Variants in RBFOX1 observed in about 807,000 individuals in gnomAD.
The protein encoded by RBFOX1 is RNA binding fox-1 homolog 1.
A neutral mutation model predicts 57.7 loss-of-function variants in RBFOX1; 8 were observed. That is an observed-to-expected ratio of 0.14 (90% CI 0.08 to 0.25). The LOEUF is 0.25. Ranked by LOEUF, RBFOX1 falls within the 10% of genes least tolerant of loss-of-function variation. RBFOX1 has a pLI of 1.00. For missense variants in RBFOX1, 611 were observed against 548.5 expected, an observed-to-expected ratio of 1.11 and a Z score of -1.14; for synonymous variants, 326 against 222.4, an observed-to-expected ratio of 1.47 and a Z score of -4.15.
chr16:6,977,212 A>G (rs535621929), intron 3 of RBFOX1, among the ~76,000 whole-genome samples: 1 of 118,754 alleles, frequency 8.4e-6, no homozygotes, highest in Non-Finnish European at 1.7e-5. Context: ...TTTATCATAT[A>G]TATTATCATA....
At chr16:6,368,797 T>C (rs1283505625) in intron 2 of RBFOX1, among the ~76,000 whole-genome samples, 1 of 152,186 alleles carries the variant, frequency 6.6e-6, no homozygotes, top group Non-Finnish European at 1.5e-5. Flanking sequence ...TGTTTCAATG[T>C]TGGTAGTAAC....
At chr16:6,932,663 A>C (rs1362945673) in intron 3 of RBFOX1, among the ~76,000 whole-genome samples, 4 of 152,170 alleles carry the variant, frequency 2.6e-5, no homozygotes, top group Non-Finnish European at 1.5e-5. Flanking sequence ...GAGTTGCACC[A>C]GATTCTGAAG....
intron 4 of RBFOX1, among the ~76,000 whole-genome samples, chr16:5,971,226 C>T (rs1195025604): frequency 6.6e-6 from 1 of 152,216 alleles, no homozygotes; most frequent in East Asian, 1.9e-4. Flanking sequence ...ATTTATATCA[C>T]AGTGGTGAGG....
chr16:7,692,810 G>C (rs1347984337), intron 14 of RBFOX1, among the ~76,000 whole-genome samples: 1 of 152,060 alleles, frequency 6.6e-6, no homozygotes, highest in Non-Finnish European at 1.5e-5. Context: ...TATGTAGCAA[G>C]CTGGGTTTGA....
At chr16:7,146,069 C>A (rs546303768) in intron 4 of RBFOX1, among the ~76,000 whole-genome samples, 1 of 152,296 alleles carries the variant, frequency 6.6e-6, no homozygotes, top group African/African-American at 2.4e-5. Context: ...TTTGACTGTT[C>A]CAAATGGGGG....
chr16:5,647,899 A>C (rs1370784216), intron 3 of RBFOX1, among the ~76,000 whole-genome samples: 1 of 151,966 alleles, frequency 6.6e-6, no homozygotes, highest in Non-Finnish European at 1.5e-5. Flanking sequence ...TCATTCTGTC[A>C]CTCAGCCTGA....
At chr16:7,260,920 G>A (rs1000662563) in intron 4 of RBFOX1, among the ~76,000 whole-genome samples, 2 of 152,168 alleles carry the variant, frequency 1.3e-5, no homozygotes, top group Admixed American at 1.3e-4. Flanking sequence ...CATCATTACG[G>A]TGAATGCTAG....
At chr16:6,754,447 C>T (rs2075454567) in intron 3 of RBFOX1, among the ~76,000 whole-genome samples, 1 of 152,178 alleles carries the variant, frequency 6.6e-6, no homozygotes, top group South Asian at 2.1e-4. Flanking sequence ...GTGAATGAAG[C>T]TCTTTCCTTT....
chr16:6,606,808 C>T (rs555880975), intron 2 of RBFOX1, among the ~76,000 whole-genome samples: 1 of 152,280 alleles, frequency 6.6e-6, no homozygotes. Context: ...AATAGTGCTG[C>T]AGTGAACATA....
Position 5,346,960 on chromosome 16 carries a change from C to G in RBFOX1, c.219+106855C>G, listed in dbSNP as rs375623459. On this transcript the variant is annotated intron_variant, in intron 1 of 2. Transcript: ENST00000585867. Reference sequence around the variant, plus strand: ...GTGCCCTGTAATTGTTCACTGATATCTGGCTTTTGCATTGGTCGCTCTGTC... The same window carrying G: ...GTGCCCTGTAATTGTTCACTGATATGTGGCTTTTGCATTGGTCGCTCTGTC... Among the ~76,000 whole-genome samples the G allele has an allele frequency of 7.2e-5, 11 of 152,246 alleles. No homozygotes were observed. In the East Asian group the frequency reaches 1.7e-3, roughly 24 times the overall value.
chr16:7,194,708 G>T (rs1301475572), intron 4 of RBFOX1, among the ~76,000 whole-genome samples: 1 of 152,016 alleles, frequency 6.6e-6, no homozygotes, highest in Admixed American at 6.6e-5. Context: ...TGGGTGGATT[G>T]CCTGAGCCCT....
At chr16:7,116,526 C>G (rs189151739) in intron 4 of RBFOX1, among the ~76,000 whole-genome samples, 16 of 152,284 alleles carry the variant, frequency 1.1e-4, no homozygotes, top group Admixed American at 1.0e-3. Flanking sequence ...CTGGATTTGT[C>G]TCTGCTCCAG....
chr16:5,813,008 C>CTTTTT (rs565304481), intron 3 of RBFOX1, among the ~76,000 whole-genome samples: 1 of 135,942 alleles, frequency 7.4e-6, no homozygotes, highest in East Asian at 2.1e-4. Context: ...CCTTTAACCA[C>CTTTTT]TTTTTTTTTT....
At chr16:7,209,061 G>A (rs375884794) in intron 4 of RBFOX1, among the ~76,000 whole-genome samples, 7 of 151,876 alleles carry the variant, frequency 4.6e-5, no homozygotes, top group Admixed American at 2.0e-4. Context: ...TTGGGAGGCC[G>A]AGGTGGTCAG....
intron 3 of RBFOX1, among the ~76,000 whole-genome samples, chr16:5,698,938 G>A (rs2050934003): frequency 6.7e-6 from 1 of 148,808 alleles, no homozygotes; most frequent in South Asian, 2.1e-4. Flanking sequence ...ATCCATCTGT[G>A]TAGCTTGGTT....
At chr16:6,681,265 C>T (rs2058610148) in intron 3 of RBFOX1, among the ~76,000 whole-genome samples, 1 of 152,120 alleles carries the variant, frequency 6.6e-6, no homozygotes. Flanking sequence ...TTGCAGTGAG[C>T]CAGGATCACA....
At position 7,166,972 on chromosome 16, in the gene RBFOX1, C is replaced by CTT. The variant is rs537293692; in HGVS notation, c.27+114908_27+114909dup. Among the ~76,000 whole-genome samples, 300 of 49,092 alleles carry CTT rather than the reference C, an allele frequency of 6.1e-3. 32 individuals carry two copies. Among genetic ancestry groups the CTT allele is most frequent in the Non-Finnish European group, 8.5e-3 (252 of 29,594 alleles). The allele number at this position is 49,092 out of a possible 152,430, so 32.2% of individuals were successfully genotyped here. A position where few individuals can be genotyped will look rare whatever the true frequency, so the allele number is the denominator to read the frequency against. On this transcript the variant is annotated intron_variant, in intron 4 of 15. Transcript: ENST00000550418. ...AGCCCCAGATTGCTGCATTGGTGTT[C>CTT]TTTTTTTTTTTTTTTTTTTTTTTTT...
At chr16:6,739,568 A>T (rs1012570837) in intron 3 of RBFOX1, among the ~76,000 whole-genome samples, 3 of 150,226 alleles carry the variant, frequency 2.0e-5, no homozygotes, top group African/African-American at 4.9e-5. Flanking sequence ...CCAATTCTTC[A>T]AAATATCTTC....
chr16:7,132,866 A>C (rs938082674), intron 4 of RBFOX1, among the ~76,000 whole-genome samples: 1 of 152,228 alleles, frequency 6.6e-6, no homozygotes, highest in Non-Finnish European at 1.5e-5. Flanking sequence ...GAATGCTGCC[A>C]CGTGGTGATA....
Sources: allele counts gnomAD v4.1 joint callset (sites outside exome capture counted in the v4.1 genomes callset), GRCh38; gene constraint gnomAD v4.1.1; transcripts MANE v1.5; gene names NCBI Gene and HGNC (gene_info 2026-07-23, HGNC 2026-07-21).